SUCO: variants seen among roughly 807,000 people sequenced by gnomAD.
SUCO encodes SUN domain-containing ossification factor.
Under a neutral mutation model 148.1 loss-of-function variants are expected in SUCO, and 57 were observed. The ratio of observed to expected loss-of-function variants is 0.38; its 90% CI spans 0.31 to 0.48. The LOEUF (loss-of-function observed/expected upper bound fraction) is 0.48. Among genes scored for constraint, SUCO ranks in the 20% least tolerant of loss-of-function variants. The probability of loss-of-function intolerance (pLI) is 0.96; values close to 1 mark genes in which losing one functional copy is unlikely to be tolerated. For missense variants in SUCO, 1,331 were observed against 1,468.2 expected, an observed-to-expected ratio of 0.91 and a Z score of 1.53; for synonymous variants, 470 against 502.7, an observed-to-expected ratio of 0.93 and a Z score of 0.87.
At chr1:172,577,624 C>G in intron 12 of SUCO, 65 bp downstream of exon 12, 1 of 1,590,680 alleles carries the variant, frequency 6.3e-7, no homozygotes, top group South Asian at 1.1e-5. Flanking sequence ...ATTACAAAAA[C>G]TTTACAAGTA....
intron 1 of SUCO, among the ~76,000 whole-genome samples, chr1:172,540,143 C>T (rs186082862): frequency 2.6e-5 from 4 of 152,312 alleles, no homozygotes; most frequent in Admixed American, 1.3e-4. Context: ...AAGTTAAGTT[C>T]TTAACAGCTT....
At chr1:172,553,079 T>C (rs1165723599) in intron 2 of SUCO, 181 bp from the exon 3 acceptor site, 12 of 287,050 alleles carry the variant, frequency 4.2e-5, no homozygotes, top group Non-Finnish European at 5.7e-5. Flanking sequence ...TTAAATGTTG[T>C]AGCAATGAGG....
At chr1:172,591,766 A>G (rs1285884236) in intron 19 of SUCO, among the ~76,000 whole-genome samples, 1 of 152,110 alleles carries the variant, frequency 6.6e-6, no homozygotes, top group Non-Finnish European at 1.5e-5. Flanking sequence ...TTATAGCAGC[A>G]TGATTTATAA....
chr1:172,556,727 A>G, intron 4 of SUCO: 2 of 985,170 alleles, frequency 2.0e-6, no homozygotes, highest in African/African-American at 1.7e-5. Flanking sequence ...AACAGAAGAC[A>G]TGTTGAGAAA....
chr1:172,576,350 T>TA (rs1655441093), intron 11 of SUCO, among the ~76,000 whole-genome samples: 1 of 151,730 alleles, frequency 6.6e-6, no homozygotes, highest in African/African-American at 2.4e-5. Context: ...TGTGAGAACT[T>TA]ATAGCTACCT....
intron 6 of SUCO, among the ~76,000 whole-genome samples, chr1:172,561,524 G>A (rs1654152326): frequency 6.6e-6 from 1 of 152,100 alleles, no homozygotes; most frequent in Non-Finnish European, 1.5e-5. Flanking sequence ...ACCAGCTCAG[G>A]GTAATTGGGA....
rs567166642 is a variant in SUCO at position 172,564,388 on chromosome 1, A to C, written c.733-4631A>C. ...TGGGGGCTCTACCCTGCAGAACCAC[A>C]GGGGTGGAGCTGCCCAGGGCCTTGG... On this transcript the variant is annotated intron_variant, in intron 6 of 23. Coordinates refer to ENST00000263688, the MANE Select transcript of SUCO (RefSeq NM_014283.5). Among the ~76,000 whole-genome samples, 177 of 152,324 alleles carry C rather than the reference A, an allele frequency of 1.2e-3. No homozygotes were observed. In the Middle Eastern group the frequency reaches 0.027, roughly 23 times the overall value.
At chr1:172,537,062 A>G (rs954740019) in intron 1 of SUCO, among the ~76,000 whole-genome samples, 3 of 152,078 alleles carry the variant, frequency 2.0e-5, no homozygotes, top group East Asian at 1.9e-4. Context: ...TATTCAGCCT[A>G]TACCCTATAC....
At chr1:172,555,431 G>A (rs1571202682) in intron 3 of SUCO, 3 of 984,894 alleles carry the variant, frequency 3.0e-6, no homozygotes, top group Non-Finnish European at 3.6e-6. Context: ...ATCATTTATT[G>A]CTTCATGGTG....
intron 6 of SUCO, among the ~76,000 whole-genome samples, chr1:172,560,284 T>A (rs1654056037): frequency 6.6e-6 from 1 of 152,244 alleles, no homozygotes; most frequent in South Asian, 2.1e-4. Context: ...GTTTTGATAG[T>A]TGACCAGCTG....
Position 172,602,237 on chromosome 1 carries a change from T to G in SUCO, c.3173+19T>G, listed in dbSNP as rs1214137828. 6.4e-7 allele frequency: 1 copy of G among 1,560,772 alleles called. No homozygotes were observed. On this transcript the variant is annotated intron_variant, in intron 21 of 23. Transcript: ENST00000263688. ...CTAAAAGGTAATATCAGCATTATATTTCACAATTTTATTTTTTTTACTATG... is the reference window on the plus strand; with the variant it reads ...CTAAAAGGTAATATCAGCATTATATGTCACAATTTTATTTTTTTTACTATG...
At chr1:172,592,667 T>C (rs1178739997) in intron 19 of SUCO, among the ~76,000 whole-genome samples, 3 of 152,228 alleles carry the variant, frequency 2.0e-5, no homozygotes, top group Admixed American at 1.3e-4. Flanking sequence ...CCATGCTGTT[T>C]TTGTTACTGT....
intron 19 of SUCO, among the ~76,000 whole-genome samples, chr1:172,592,231 G>A (rs1656726592): frequency 6.6e-6 from 1 of 152,126 alleles, no homozygotes; most frequent in African/African-American, 2.4e-5. Context: ...TAGGTTGCCT[G>A]TTCACTCTGA....
chr1:172,533,625 A>G (rs1322195331), intron 1 of SUCO, 128 bp downstream of exon 1: 2 of 1,185,726 alleles, frequency 1.7e-6, no homozygotes, highest in African/African-American at 3.1e-5. Flanking sequence ...GAAGGGACAA[A>G]CCGATTACTT....
intron 9 of SUCO, 79 bp from the exon 10 acceptor site, chr1:172,573,812 A>G (rs538327879): frequency 3.8e-6 from 3 of 787,438 alleles, no homozygotes; most frequent in South Asian, 3.5e-5. Context: ...AGTCTAATTT[A>G]TGGAAACTGT....
chr1:172,578,035 TGCTA>T (rs1244897674), intron 13 of SUCO, among the ~76,000 whole-genome samples: 1 of 151,884 alleles, frequency 6.6e-6, no homozygotes. Context: ...TTAACTTGCT[TGCTA>T]TTTTGCTATG....
chr1:172,581,285 G>T (rs1655870086), intron 15 of SUCO, among the ~76,000 whole-genome samples: 1 of 152,060 alleles, frequency 6.6e-6, no homozygotes, highest in South Asian at 2.1e-4. Context: ...CAGATCTCTG[G>T]GAGGGCAAGG....
intron 23 of SUCO, chr1:172,609,509 C>G: frequency 2.1e-6 from 2 of 945,326 alleles, no homozygotes; most frequent in Non-Finnish European, 2.5e-6. Flanking sequence ...TGCCATAATA[C>G]ATGAAAGCAA....
chr1:172,608,182 G>T, intron 22 of SUCO: 1 of 637,408 alleles, frequency 1.6e-6, no homozygotes, highest in Non-Finnish European at 2.0e-6. Flanking sequence ...GATATATATT[G>T]CATGTTCAAG....
Sources: allele counts gnomAD v4.1 joint callset (sites outside exome capture counted in the v4.1 genomes callset), GRCh38; gene constraint gnomAD v4.1.1; transcripts MANE v1.5; gene names NCBI Gene and HGNC (gene_info 2026-07-23, HGNC 2026-07-21).